The following CNNM2 variants were observed in gnomAD, a reference collection of about 807,000 sequenced individuals.
CNNM2 encodes metal transporter CNNM2.
CNNM2 carries 12 observed loss-of-function variants against 66.9 expected under a neutral mutation model. The observed-to-expected ratio is 0.18, with a 90% confidence interval of 0.11 to 0.29. The LOEUF (loss-of-function observed/expected upper bound fraction) is 0.29, where lower values mean the gene tolerates loss of function less well. CNNM2 is among the 10% of genes least tolerant of loss of function. The pLI, the probability that CNNM2 is intolerant of heterozygous loss-of-function variation, is 1.00. For synonymous variants in CNNM2, 557 were observed against 501.8 expected (o/e 1.11, Z -1.47); for missense variants, 705 against 1,167.7 (o/e 0.60, Z 5.77).
In CNNM2 at chr10:103,089,809, T is replaced by C. The variant is rs1461698758; in HGVS notation, c.*12629T>C. The C allele has an allele frequency of 6.2e-7, 1 of 1,614,126 alleles. No homozygotes were observed. Among genetic ancestry groups the C allele is most frequent in the Non-Finnish European group, 8.5e-7 (1 of 1,180,020 alleles). On this transcript the variant is annotated 3_prime_UTR_variant, in exon 8 of 8. Coordinates refer to ENST00000369878, the MANE Select transcript of CNNM2 (RefSeq NM_017649.5). Reference sequence around the variant, plus strand: ...GTCAGCTGGTGCCGCTTGTAGTCAGTGTCTTTGAAATCCACTGATGTGCGG... The same window carrying C: ...GTCAGCTGGTGCCGCTTGTAGTCAGCGTCTTTGAAATCCACTGATGTGCGG...
chr10:102,945,218 G>A (rs183190552), intron 1 of CNNM2, among the ~76,000 whole-genome samples: 6 of 152,098 alleles, frequency 3.9e-5, no homozygotes, highest in Admixed American at 1.3e-4. Flanking sequence ...CGAAATAGGC[G>A]TTTAAATAAG....
rs1350420022 is a variant in CNNM2, at chr10:103,085,649, A to AATTC, written c.*8472_*8475dup. ...GAAGAAACAAAGGGACGAGATTCAA[A>AATTC]ATTCATCATTGTGTTTTAAATTTAA... On this transcript the variant is annotated 3_prime_UTR_variant, in exon 8 of 8. Transcript: ENST00000369878. 1 of 152,230 alleles carries AATTC rather than the reference A, an allele frequency of 6.6e-6. No homozygotes were observed. Among genetic ancestry groups the AATTC allele is most frequent in the East Asian group, 1.9e-4 (1 of 5,198 alleles). The allele number at this position is 152,230 out of a possible 1,614,324, so 9.4% of individuals were successfully genotyped here.
At chr10:103,027,950 G>A (rs565711222) in intron 1 of CNNM2, among the ~76,000 whole-genome samples, 171 of 150,772 alleles carry the variant, frequency 1.1e-3, no homozygotes, top group Non-Finnish European at 2.0e-3. Context: ...AGTCACACAG[G>A]TAGTATGTAA....
At chr10:102,942,391 A>C (rs1208450190) in intron 1 of CNNM2, among the ~76,000 whole-genome samples, 1 of 152,194 alleles carries the variant, frequency 6.6e-6, no homozygotes, top group Non-Finnish European at 1.5e-5. Context: ...TTCTCCAGGT[A>C]CCTCATATAA....
intron 1 of CNNM2, chr10:102,927,625 C>A: frequency 1.8e-6 from 1 of 542,458 alleles, no homozygotes; most frequent in Non-Finnish European, 3.1e-6. Flanking sequence ...ATTAGCTGTG[C>A]GTGGTGGTGG....
In CNNM2 at chr10:103,061,866, T is replaced by TA. The variant is rs34245839; in HGVS notation, c.2073+4911dup. Among the ~76,000 whole-genome samples the TA allele has an allele frequency of 0.29, 44,049 of 151,306 alleles. 6,556 individuals carry two copies. The highest frequency in any genetic ancestry group is 0.36 in the Middle Eastern group (103 of 290). ...TATGTCACATTAATTGGGAAAGTAG[T>TA]AAAAAAAAATGATATTTATATCAGT... On this transcript the variant is annotated intron_variant, in intron 4 of 7. Coordinates refer to ENST00000369878, the MANE Select transcript of CNNM2 (RefSeq NM_017649.5).
In CNNM2 at chr10:103,054,610, T is replaced by C. The variant is rs11191533; in HGVS notation, c.1903+144T>C. The C allele has an allele frequency of 0.15, 100,778 of 692,532 alleles. 6,868 individuals carry two copies. Among genetic ancestry groups the C allele is most frequent in the Non-Finnish European group, 0.16 (75,847 of 464,074 alleles). 42.9% of individuals were successfully genotyped at this position (692,532 alleles called of 1,614,324 possible). A position where few individuals can be genotyped will look rare whatever the true frequency, so the allele number is the denominator to read the frequency against. On this transcript the variant is annotated intron_variant, in intron 3 of 7. Transcript: ENST00000369878. The surrounding 1 kb of genome is among the most constrained non-coding windows in gnomAD (Gnocchi z 5.2). ...CTTTTGTGTTTTGTTTTTTTTGTTT[T>C]TTTGTTTTGTTTTGTTTTTTTCTTT...
chr10:102,989,144 C>T (rs1262855771), intron 1 of CNNM2, among the ~76,000 whole-genome samples: 2 of 152,156 alleles, frequency 1.3e-5, no homozygotes, highest in African/African-American at 4.8e-5. Context: ...CAACAGTTCA[C>T]CTTCACTGAG....
At chr10:102,920,147 A>G in intron 1 of CNNM2, 46 bp downstream of exon 1, 11 of 1,613,644 alleles carry the variant, frequency 6.8e-6, no homozygotes, top group Non-Finnish European at 9.3e-6. Context: ...TTCTCTCTCC[A>G]TCCTCCTCCC....
intron 1 of CNNM2, among the ~76,000 whole-genome samples, chr10:103,022,386 C>T (rs2134287751): frequency 6.6e-6 from 1 of 152,282 alleles, no homozygotes; most frequent in South Asian, 2.1e-4. Flanking sequence ...TCTTCTTCAT[C>T]CCCTATTGTC....
intron 4 of CNNM2, among the ~76,000 whole-genome samples, chr10:103,063,077 A>C (rs2065416256): frequency 1.3e-5 from 2 of 152,240 alleles, no homozygotes; most frequent in South Asian, 4.1e-4. Flanking sequence ...GCTGGCACTG[A>C]CATCTGGTGG....
At chr10:102,954,234 C>T (rs1295520506) in intron 1 of CNNM2, among the ~76,000 whole-genome samples, 2 of 150,460 alleles carry the variant, frequency 1.3e-5, no homozygotes, top group Non-Finnish European at 2.9e-5. Flanking sequence ...CTCAAGCAAT[C>T]CTCCTGCCTC....
At chr10:103,023,854 T>A (rs2064643445) in intron 1 of CNNM2, among the ~76,000 whole-genome samples, 1 of 152,224 alleles carries the variant, frequency 6.6e-6, no homozygotes, top group African/African-American at 2.4e-5. Flanking sequence ...TGTGCAAAAA[T>A]GTAAAAATTG....
At chr10:103,027,734 A>T (rs2134295869) in intron 1 of CNNM2, among the ~76,000 whole-genome samples, 1 of 152,330 alleles carries the variant, frequency 6.6e-6, no homozygotes, top group African/African-American at 2.4e-5. Context: ...ATGCATGTAC[A>T]TTTGAGATGA....
chr10:103,020,884 A>G (rs1398172080), intron 1 of CNNM2, among the ~76,000 whole-genome samples: 2 of 152,154 alleles, frequency 1.3e-5, no homozygotes, highest in African/African-American at 2.4e-5. Context: ...AGATATAGGT[A>G]TTGGCTGGAG....
chr10:102,995,162 TCCTCCTCCC>T (rs2063969110), intron 1 of CNNM2, among the ~76,000 whole-genome samples: 2 of 141,654 alleles, frequency 1.4e-5, no homozygotes, highest in Non-Finnish European at 3.1e-5. Context: ...CCCCTCTTCC[TCCTCCTCCC>T]CCTCTTCCTC....
rs530051956 is a variant in CNNM2 at position 102,934,600 on chromosome 10, A to G, written c.1621+14499A>G. On this transcript the variant is annotated intron_variant, in intron 1 of 7. Transcript: ENST00000369878. ...CCAGCCTGAGCCACCGGCCAAATCT[A>G]TTTCTTTCTACTATTTAGAGTGGCT... Among the ~76,000 whole-genome samples the G allele has an allele frequency of 6.6e-5, 10 of 151,990 alleles. 1 individual carries two copies. Among genetic ancestry groups the G allele is most frequent in the South Asian group, 4.2e-4 (2 of 4,810 alleles).
chr10:103,089,530 T>C lies in CNNM2; in HGVS notation c.*12350T>C, dbSNP rs903717068. ...AAACCAAAACAAGTATCTATGATAA[T>C]AAAATCTTCAGAAACTTTTCAGACG... On this transcript the variant is annotated 3_prime_UTR_variant, in exon 8 of 8. Coordinates refer to ENST00000369878, the MANE Select transcript of CNNM2 (RefSeq NM_017649.5). 14 of 1,394,300 alleles carry C rather than the reference T, an allele frequency of 1.0e-5. 1 individual carries two copies. Among genetic ancestry groups the C allele is most frequent in the East Asian group, 5.2e-5 (2 of 38,762 alleles). The allele number at this position is 1,394,300 out of a possible 1,614,324, so 86.4% of individuals were successfully genotyped here.
intron 1 of CNNM2, among the ~76,000 whole-genome samples, chr10:103,016,563 C>T (rs530725702): frequency 4.6e-5 from 7 of 152,254 alleles, no homozygotes; most frequent in African/African-American, 1.7e-4. Flanking sequence ...TTTCCTGTGT[C>T]ATTTGCAATA....
Sources: allele counts gnomAD v4.1 joint callset (sites outside exome capture counted in the v4.1 genomes callset), GRCh38; gene constraint gnomAD v4.1.1; non-coding constraint Gnocchi (gnomAD v3.1); transcripts MANE v1.5; gene names NCBI Gene and HGNC (gene_info 2026-07-23, HGNC 2026-07-21).